The following VAC14 variants were observed in gnomAD, a reference collection of about 807,000 sequenced individuals.
VAC14 encodes the protein VAC14 component of PIKFYVE complex.
Under a neutral mutation model 85.3 loss-of-function variants are expected in VAC14, and 47 were observed. The observed-to-expected ratio is 0.55, with a 90% CI of 0.44 to 0.70. The LOEUF is 0.70. Ranked by LOEUF, VAC14 falls within the 30% of genes least tolerant of loss-of-function variation. The pLI, the probability that VAC14 is intolerant of heterozygous loss-of-function variation, is 0.00. For synonymous variants in VAC14, 447 were observed against 430.5 expected (o/e 1.04, Z -0.47); for missense variants, 861 against 1,004.3 (o/e 0.86, Z 1.93).
chr16:70,741,986 G>A (rs1005847194), intron 13 of VAC14, among the ~76,000 whole-genome samples: 9 of 152,278 alleles, frequency 5.9e-5, no homozygotes, highest in Middle Eastern at 3.4e-3. Context: ...TACTCCCTCC[G>A]GCCCAGGCTG....
chr16:70,745,577 C>A (rs2143013330), intron 12 of VAC14, among the ~76,000 whole-genome samples: 1 of 152,142 alleles, frequency 6.6e-6, no homozygotes, highest in East Asian at 1.9e-4. Context: ...GCTGAGGCTT[C>A]CTGGCCACCT....
intron 9 of VAC14, chr16:70,778,870 A>C (rs2033658577): frequency 6.6e-6 from 1 of 152,216 alleles, no homozygotes; most frequent in South Asian, 2.1e-4. Context: ...ACAAAAATCA[A>C]ACACTCATAT....
chr16:70,743,613 A>G (rs1042890002), intron 13 of VAC14, among the ~76,000 whole-genome samples: 2 of 152,312 alleles, frequency 1.3e-5, no homozygotes, highest in Admixed American at 1.3e-4. Flanking sequence ...CACCATCTTT[A>G]AGAGCTGTAA....
chr16:70,752,539 G>C (rs2031469646), intron 12 of VAC14, among the ~76,000 whole-genome samples: 1 of 152,236 alleles, frequency 6.6e-6, no homozygotes, highest in Non-Finnish European at 1.5e-5. Context: ...GGTGCCTGCT[G>C]CACTGAGAGC....
chr16:70,763,581 A>C (rs1318112294), intron 10 of VAC14, among the ~76,000 whole-genome samples: 1 of 152,222 alleles, frequency 6.6e-6, no homozygotes, highest in Non-Finnish European at 1.5e-5. Flanking sequence ...GAGGCTTGTC[A>C]TTGTGCCTTG....
rs772496341 is a variant in VAC14 at position 70,783,480 on chromosome 16, C to G, written c.669G>C (p.Gln223His). The change falls in exon 6 of 19, where the codon CAG becomes CAC. Residue 223 changes from glutamine to histidine, a missense_variant. Physicochemically the swap from Gln to His is conservative, Grantham distance 24. Coordinates refer to ENST00000261776, the MANE Select transcript of VAC14 (RefSeq NM_018052.5). Reference protein sequence around the residue: ...YLPEILDGLFQILGDNGKEIR... With the variant: ...YLPEILDGLFHILGDNGKEIR... The stretch of plus-strand genomic sequence containing the variant: ...TCTCTTTGCCATTGTCACCCAGGAT[C>G]TGGAAGAGTCCATCCAGGATCTCCG... The G allele has an allele frequency of 6.2e-7, 1 of 1,614,150 alleles. No individual in the cohort carries two copies. Among genetic ancestry groups the G allele is most frequent in the Non-Finnish European group, 8.5e-7 (1 of 1,180,046 alleles).
chr16:70,698,679 C>G lies in VAC14; in HGVS notation c.1794G>C (p.Glu598Asp), dbSNP rs765421080. ...TCAGCTGGTTCCTTAGCTGGAAGAG[C>G]TCTGTGGAGGTCAGCAGGATGGTGT... ...ALNTILLTST[E>D]LFQLRNQLKD... The change falls in exon 15 of 19, where the codon GAG (glutamate) becomes GAC (aspartate). Residue 598 changes from glutamate to aspartate, a missense_variant. By Grantham distance (45) the Glu-to-Asp change is conservative. Coordinates refer to ENST00000261776, the MANE Select transcript of VAC14 (RefSeq NM_018052.5). 18 of 1,614,030 alleles carry G rather than the reference C, an allele frequency of 1.1e-5. No homozygotes were observed. The Admixed American group carries it at 3.0e-4, about 27-fold the overall frequency.
At chr16:70,745,634 G>A (rs1177977549) in intron 12 of VAC14, among the ~76,000 whole-genome samples, 1 of 152,222 alleles carries the variant, frequency 6.6e-6, no homozygotes, top group African/African-American at 2.4e-5. Context: ...CACTGCAGGT[G>A]GTCGCCTGCT....
At chr16:70,749,393 T>A (rs1484711556) in intron 12 of VAC14, among the ~76,000 whole-genome samples, 2 of 152,278 alleles carry the variant, frequency 1.3e-5, no homozygotes, top group Non-Finnish European at 2.9e-5. Flanking sequence ...GGCAAATGAA[T>A]GCAAATTACA....
At chr16:70,720,557 C>A (rs917000054) in intron 14 of VAC14, among the ~76,000 whole-genome samples, 1 of 152,176 alleles carries the variant, frequency 6.6e-6, no homozygotes, top group African/African-American at 2.4e-5. Flanking sequence ...CTCTCTGAAG[C>A]AGTGGGAAGG....
chr16:70,730,393 T>TA lies in VAC14; in HGVS notation c.1661+1101dup, dbSNP rs567896615. 2.0e-4 allele frequency among the ~76,000 whole-genome samples: 31 copies of TA among 152,120 alleles called. No homozygotes were observed. The South Asian group carries it at 6.5e-3, about 32-fold the overall frequency. Reference sequence around the variant, plus strand: ...TGGCCCACAGGCTGAAGCTGCTTATTAGTTTACAGCAAGATGAGCTCCCCA... The same window carrying TA: ...TGGCCCACAGGCTGAAGCTGCTTATTAAGTTTACAGCAAGATGAGCTCCCCA... On this transcript the variant is annotated intron_variant, in intron 14 of 18. Coordinates refer to ENST00000261776, the MANE Select transcript of VAC14 (RefSeq NM_018052.5).
intron 18 of VAC14, chr16:70,690,013 T>C: frequency 1.0e-6 from 1 of 985,446 alleles, no homozygotes; most frequent in Non-Finnish European, 1.2e-6. Flanking sequence ...GGTCTGTGCG[T>C]TGCTCCCCAT....
intron 14 of VAC14, among the ~76,000 whole-genome samples, chr16:70,725,158 C>T (rs554722979): frequency 6.6e-6 from 1 of 152,290 alleles, no homozygotes; most frequent in East Asian, 1.9e-4. Flanking sequence ...CTTCTGGGGG[C>T]CCGGCCAATG....
rs148892544 is a variant in VAC14 at position 70,695,699 on chromosome 16, C to G, written c.1956-76G>C. 955 of 1,432,776 alleles carry G rather than the reference C, an allele frequency of 6.7e-4. 6 individuals are homozygous for G. In the African/African-American group the frequency reaches 9.9e-3, roughly 15 times the overall value. 88.8% of individuals were successfully genotyped at this position (1,432,776 alleles called of 1,614,324 possible). Reference sequence around the variant, plus strand: ...CTCACAGCACCACACGCCCTCCCCCCCTGCACCTGGCTTCCTGTGCACAGA... The same window carrying G: ...CTCACAGCACCACACGCCCTCCCCCGCTGCACCTGGCTTCCTGTGCACAGA... On this transcript the variant is annotated intron_variant, in intron 16 of 18. Coordinates refer to ENST00000261776, the MANE Select transcript of VAC14 (RefSeq NM_018052.5).
intron 12 of VAC14, among the ~76,000 whole-genome samples, chr16:70,759,320 G>A (rs2032124263): frequency 6.6e-6 from 1 of 152,202 alleles, no homozygotes; most frequent in Admixed American, 6.5e-5. Context: ...GGCTGAAGGG[G>A]GAGCTTTTTC....
chr16:70,790,967 C>G (rs539197803), intron 1 of VAC14, among the ~76,000 whole-genome samples: 1 of 152,246 alleles, frequency 6.6e-6, no homozygotes, highest in African/African-American at 2.4e-5. Flanking sequence ...AGCACCGGGC[C>G]TGGGGTCAAC....
At chr16:70,771,838 C>A in intron 10 of VAC14, 1 of 396,102 alleles carries the variant, frequency 2.5e-6, no homozygotes, top group Admixed American at 4.1e-5. Context: ...GCCTTGGCCT[C>A]CCCAAGTGCT....
intron 13 of VAC14, among the ~76,000 whole-genome samples, chr16:70,744,132 G>A (rs2030636338): frequency 6.6e-6 from 1 of 152,206 alleles, no homozygotes; most frequent in Non-Finnish European, 1.5e-5. Flanking sequence ...AGAGAGACCA[G>A]CAGCCGACCC....
At chr16:70,733,643 C>T (rs1481369226) in intron 13 of VAC14, among the ~76,000 whole-genome samples, 1 of 152,038 alleles carries the variant, frequency 6.6e-6, no homozygotes, top group Non-Finnish European at 1.5e-5. Context: ...CTTCCTCTTA[C>T]TCTCTTGCTC....
Sources: allele counts gnomAD v4.1 joint callset (sites outside exome capture counted in the v4.1 genomes callset), GRCh38; gene constraint gnomAD v4.1.1; transcripts MANE v1.5; gene names NCBI Gene and HGNC (gene_info 2026-07-23, HGNC 2026-07-21).